Variants in RAB31 observed in about 807,000 individuals in gnomAD.
RAB31 encodes the protein RAB31, member RAS oncogene family.
Under a neutral mutation model 25.6 loss-of-function variants are expected in RAB31, and 21 were observed. The observed-to-expected ratio is 0.82, with a 90% CI of 0.58 to 1.18. The LOEUF (loss-of-function observed/expected upper bound fraction) is 1.18, where lower values mean the gene tolerates loss of function less well. Ranked by LOEUF, RAB31 falls within the 50% of genes most tolerant of loss-of-function variation. RAB31 has a pLI of 0.00. For synonymous variants in RAB31, 87 were observed against 84.0 expected (o/e 1.04, Z -0.20); for missense variants, 196 against 250.1 (o/e 0.78, Z 1.46).
intron 5 of RAB31, chr18:9,816,052 G>A (rs1432492018): frequency 6.1e-5 from 2 of 32,680 alleles, no homozygotes; most frequent in Admixed American, 3.2e-4. Context: ...AGTGTCATCC[G>A]TGTAGATGCT....
At chr18:9,853,438 C>G (rs2068799001) in intron 6 of RAB31, among the ~76,000 whole-genome samples, 1 of 152,148 alleles carries the variant, frequency 6.6e-6, no homozygotes, top group Non-Finnish European at 1.5e-5. Context: ...TCTGAAAAGG[C>G]TACACACTGT....
chr18:9,774,765 G>A, intron 1 of RAB31: 1 of 481,524 alleles, frequency 2.1e-6, no homozygotes, highest in South Asian at 1.5e-5. Flanking sequence ...ATATAATTAA[G>A]CAAAATTTGG....
chr18:9,784,266 C>G (rs2068420673), intron 2 of RAB31, among the ~76,000 whole-genome samples: 1 of 151,874 alleles, frequency 6.6e-6, no homozygotes, highest in South Asian at 2.1e-4. Flanking sequence ...TCTTGAACTC[C>G]TGGCCTCAAG....
intron 5 of RAB31, among the ~76,000 whole-genome samples, chr18:9,826,455 T>A (rs958690828): frequency 3.8e-4 from 58 of 152,056 alleles, no homozygotes; most frequent in African/African-American, 1.2e-3. Context: ...GTGACACCAT[T>A]GGCCCTTCAT....
chr18:9,723,402 T>G (rs962363203), intron 1 of RAB31, among the ~76,000 whole-genome samples: 10 of 152,200 alleles, frequency 6.6e-5, no homozygotes, highest in African/African-American at 2.4e-4. Flanking sequence ...TTCAAGATCT[T>G]CCAAAACAAT....
intron 5 of RAB31, among the ~76,000 whole-genome samples, chr18:9,828,759 G>A (rs1000409124): frequency 2.0e-4 from 31 of 152,172 alleles, no homozygotes; most frequent in African/African-American, 6.5e-4. Flanking sequence ...AACAGAATTT[G>A]AAATGCTGGA....
At chr18:9,763,718 A>C (rs1402266740) in intron 1 of RAB31, among the ~76,000 whole-genome samples, 1 of 152,044 alleles carries the variant, frequency 6.6e-6, no homozygotes, top group East Asian at 1.9e-4. Context: ...TAGATCAGAT[A>C]ATAGCTGATA....
intron 1 of RAB31, among the ~76,000 whole-genome samples, chr18:9,716,465 T>C (rs1388995895): frequency 6.6e-6 from 1 of 152,102 alleles, no homozygotes; most frequent in Non-Finnish European, 1.5e-5. Flanking sequence ...AGCAGGAAGG[T>C]AGGGAAAATA....
intron 1 of RAB31, among the ~76,000 whole-genome samples, chr18:9,741,333 C>T (rs920706252): frequency 9.5e-5 from 13 of 137,566 alleles, no homozygotes; most frequent in African/African-American, 2.3e-4. Flanking sequence ...GCCGAGATAA[C>T]GCTACTGCAC....
chr18:9,753,651 T>G (rs1399596974), intron 1 of RAB31, among the ~76,000 whole-genome samples: 2 of 152,210 alleles, frequency 1.3e-5, no homozygotes, highest in Non-Finnish European at 2.9e-5. Context: ...CAGTGTGGAT[T>G]CTGTAAAGCT....
At chr18:9,780,954 G>A (rs12457365) in intron 2 of RAB31, among the ~76,000 whole-genome samples, 76,082 of 131,766 alleles carry the variant, frequency 0.58, 19,626 homozygotes, top group East Asian at 0.68. Context: ...AAACAAAACA[G>A]AACAAAACAA....
At chr18:9,839,305 G>A (rs922272553) in intron 5 of RAB31, among the ~76,000 whole-genome samples, 7 of 152,282 alleles carry the variant, frequency 4.6e-5, no homozygotes, top group Middle Eastern at 3.4e-3. Flanking sequence ...CTGTGGCTTC[G>A]GGGGCAAACA....
At chr18:9,845,499 C>T (rs930317056) in intron 5 of RAB31, 83 bp from the exon 6 acceptor site, 48 of 1,228,210 alleles carry the variant, frequency 3.9e-5, no homozygotes, top group African/African-American at 1.4e-4. Flanking sequence ...GAGCTGTTGC[C>T]GCACAAGCTG....
At chr18:9,740,305 T>C (rs1479854237) in intron 1 of RAB31, among the ~76,000 whole-genome samples, 6 of 152,272 alleles carry the variant, frequency 3.9e-5, no homozygotes, top group African/African-American at 1.4e-4. Flanking sequence ...TCTACTTACC[T>C]AACGCTTCCA....
chr18:9,730,516 C>T (rs908074695), intron 1 of RAB31, among the ~76,000 whole-genome samples: 4 of 152,136 alleles, frequency 2.6e-5, no homozygotes, highest in Admixed American at 2.0e-4. Flanking sequence ...TCTTGTACCC[C>T]GACCTCATGT....
intron 1 of RAB31, among the ~76,000 whole-genome samples, chr18:9,753,961 G>T (rs966208832): frequency 2.0e-5 from 3 of 151,534 alleles, no homozygotes; most frequent in Non-Finnish European, 2.9e-5. Flanking sequence ...TGTATCATGC[G>T]TAAGGAATCT....
chr18:9,780,447 A>T (rs1039473588), intron 2 of RAB31, among the ~76,000 whole-genome samples: 3 of 152,224 alleles, frequency 2.0e-5, no homozygotes, highest in African/African-American at 7.2e-5. Context: ...TCTACCTCTT[A>T]GAGGTAATTA....
intron 5 of RAB31, among the ~76,000 whole-genome samples, chr18:9,839,548 G>A (rs182716156): frequency 1.3e-5 from 2 of 151,646 alleles, no homozygotes; most frequent in Non-Finnish European, 2.9e-5. Flanking sequence ...CGGATTGGCA[G>A]TGAGGCTGGA....
intron 1 of RAB31, among the ~76,000 whole-genome samples, chr18:9,722,337 A>G (rs1684203867): frequency 6.6e-6 from 1 of 152,148 alleles, no homozygotes; most frequent in Non-Finnish European, 1.5e-5. Context: ...TGTAGCAGCA[A>G]GGTGGTGCAC....
Sources: allele counts gnomAD v4.1 joint callset (sites outside exome capture counted in the v4.1 genomes callset), GRCh38; gene constraint gnomAD v4.1.1; transcripts MANE v1.5; gene names NCBI Gene and HGNC (gene_info 2026-07-23, HGNC 2026-07-21).